ANKS4B: variants seen among roughly 807,000 people sequenced by gnomAD.
ANKS4B encodes ankyrin repeat and SAM domain-containing protein 4B.
Under a neutral mutation model 20.2 loss-of-function variants are expected in ANKS4B, and 21 were observed. That is an observed-to-expected ratio of 1.04 (90% CI 0.74 to 1.50). The LOEUF is 1.50. ANKS4B is among the 40% of genes most tolerant of loss of function. The pLI, the probability that ANKS4B is intolerant of heterozygous loss-of-function variation, is 0.00. For synonymous variants in ANKS4B, 179 were observed against 194.5 expected (o/e 0.92, Z 0.66); for missense variants, 473 against 494.6 (o/e 0.96, Z 0.41).
intron 1 of ANKS4B, among the ~76,000 whole-genome samples, chr16:21,247,005 T>C (rs1233382343): frequency 6.6e-6 from 1 of 152,160 alleles, no homozygotes; most frequent in Non-Finnish European, 1.5e-5. Flanking sequence ...CCTGCGGATC[T>C]TGCTAAAGTG....
chr16:21,236,445 G>A (rs1160594852), intron 1 of ANKS4B, among the ~76,000 whole-genome samples: 1 of 152,118 alleles, frequency 6.6e-6, no homozygotes, highest in Non-Finnish European at 1.5e-5. Context: ...GGGGTTCTGG[G>A]GTTCTTCTCA....
In ANKS4B at chr16:21,249,780, G is replaced by A; in HGVS notation, c.214G>A (p.Ala72Thr). 1 of 1,614,050 alleles carries A rather than the reference G, an allele frequency of 6.2e-7. No individual in the cohort carries two copies. The highest frequency in any genetic ancestry group is 8.5e-7 in the Non-Finnish European group (1 of 1,180,016). ...CTGGGGAAACACTCCTCTACATTTTGCAGCCTCCAATGGCCATGCCCACTG... is the reference window on the plus strand; with the variant it reads ...CTGGGGAAACACTCCTCTACATTTTACAGCCTCCAATGGCCATGCCCACTG... ...DIWGNTPLHF[A>T]ASNGHAHCVS... The change falls in exon 2 of 2, where the codon GCA (alanine) becomes ACA (threonine). Residue 72 changes from alanine to threonine, a missense_variant. Transcript: ENST00000311620.
chr16:21,238,033 C>T (rs569649649), intron 1 of ANKS4B, among the ~76,000 whole-genome samples: 23 of 152,172 alleles, frequency 1.5e-4, no homozygotes, highest in South Asian at 2.1e-4. Flanking sequence ...TGGTGGTGCA[C>T]GCCTATAATC....
chr16:21,245,199 G>A (rs1397942006), intron 1 of ANKS4B, among the ~76,000 whole-genome samples: 1 of 152,184 alleles, frequency 6.6e-6, no homozygotes, highest in African/African-American at 2.4e-5. Context: ...TGGCAATATT[G>A]TTTCCGCTTT....
chr16:21,234,197 G>A (rs1314865525), intron 1 of ANKS4B, among the ~76,000 whole-genome samples: 1 of 151,994 alleles, frequency 6.6e-6, no homozygotes, highest in Non-Finnish European at 1.5e-5. Flanking sequence ...CTTTAAAAAT[G>A]CTTTTCATGA....
Position 21,250,145 on chromosome 16 carries a change from A to T in ANKS4B, c.579A>T (p.Thr193=). The T allele has an allele frequency of 6.2e-7, 1 of 1,614,196 alleles. No homozygotes were observed. The highest frequency in any genetic ancestry group is 8.5e-7 in the Non-Finnish European group (1 of 1,180,028). ...CTTCAAATGCTTCTGCTCCTGGCACATTCGGGTCACTATCTAAGGGCATTA... is the reference window on the plus strand; with the variant it reads ...CTTCAAATGCTTCTGCTCCTGGCACTTTCGGGTCACTATCTAAGGGCATTA... ...SSPSNASAPG[T]FGSLSKGIKD... The change falls in exon 2 of 2, where the codon ACA becomes ACT. Residue 193 remains threonine, a synonymous_variant. Coordinates refer to ENST00000311620, the MANE Select transcript of ANKS4B (RefSeq NM_145865.3).
chr16:21,239,917 AT>A (rs1282839433), intron 1 of ANKS4B, among the ~76,000 whole-genome samples: 3 of 152,202 alleles, frequency 2.0e-5, no homozygotes, highest in Non-Finnish European at 4.4e-5. Context: ...CACTCGTGAT[AT>A]GAGTTTACCT....
rs576290136 is a variant in ANKS4B, at chr16:21,244,455, T to C, written c.165-5276T>C. Among the ~76,000 whole-genome samples the C allele has an allele frequency of 4.6e-5, 7 of 152,210 alleles. 1 individual carries two copies. In the East Asian group the frequency reaches 1.2e-3, roughly 25 times the overall value. ...TAAAAATTCAGTGAAATGAGAAAAT[T>C]CCACCAGTCTATAGTCTTAAGCATA... On this transcript the variant is annotated intron_variant, in intron 1 of 1. Coordinates refer to ENST00000311620, the MANE Select transcript of ANKS4B (RefSeq NM_145865.3).
chr16:21,251,164 A>G lies in ANKS4B; in HGVS notation c.*344A>G, dbSNP rs6497543. 53,669 of 203,806 alleles carry G rather than the reference A, an allele frequency of 0.26. 8,093 individuals are homozygous for G. Among genetic ancestry groups the G allele is most frequent in the African/African-American group, 0.4 (17,600 of 43,718 alleles). 12.6% of individuals were successfully genotyped at this position (203,806 alleles called of 1,614,324 possible). On this transcript the variant is annotated 3_prime_UTR_variant, in exon 2 of 2. Coordinates refer to ENST00000311620, the MANE Select transcript of ANKS4B (RefSeq NM_145865.3). ...CTTACCCAGGCTAGGGTGCAGTGGT[A>G]TGATCATAGTTCACTGTATTCTCAA...
intron 1 of ANKS4B, among the ~76,000 whole-genome samples, chr16:21,234,522 C>CG (rs1380262253): frequency 0.054 from 6,600 of 121,270 alleles, 183 homozygotes; most frequent in South Asian, 0.12. Flanking sequence ...ACACACACAC[C>CG]CCATCTCTTT....
In ANKS4B at chr16:21,251,042, G is replaced by C; in HGVS notation, c.*222G>C. On this transcript the variant is annotated 3_prime_UTR_variant, in exon 2 of 2. Coordinates refer to ENST00000311620, the MANE Select transcript of ANKS4B (RefSeq NM_145865.3). ...TGAGGAGACTTCATAACAAGAATCT[G>C]GCATTTCTCTTCAGTTATCTTATAT... 1 of 518,504 alleles carries C rather than the reference G, an allele frequency of 1.9e-6. No homozygotes were observed. The highest frequency in any genetic ancestry group is 4.9e-5 in the South Asian group (1 of 20,354). 32.1% of individuals were successfully genotyped at this position (518,504 alleles called of 1,614,324 possible). A position where few individuals can be genotyped will look rare whatever the true frequency, so the allele number is the denominator to read the frequency against.
intron 1 of ANKS4B, among the ~76,000 whole-genome samples, chr16:21,242,561 C>T (rs566982281): frequency 1.4e-4 from 21 of 152,332 alleles, no homozygotes; most frequent in Non-Finnish European, 2.9e-4. Context: ...TCTTATTTCA[C>T]TTAACATACT....
intron 1 of ANKS4B, among the ~76,000 whole-genome samples, chr16:21,249,419 A>G (rs925543828): frequency 6.6e-6 from 1 of 152,168 alleles, no homozygotes; most frequent in Non-Finnish European, 1.5e-5. Flanking sequence ...AAGGCTGCCA[A>G]TGAGCTGTGA....
Position 21,233,770 on chromosome 16 carries a change from T to C in ANKS4B, c.33T>C (p.Asp11=). Residue 11 remains aspartate, a synonymous_variant, in exon 1 of 2, where the codon GAT becomes GAC. Transcript: ENST00000311620. ...CTCGTTACCACCAAGCTGCTAGTGA[T>C]AGTTACCTGGAACTTCTAAAAGAGG... MSTRYHQAAS[D]SYLELLKEAT... 6.2e-7 allele frequency: 1 copy of C among 1,614,088 alleles called. No individual in the cohort carries two copies. Among genetic ancestry groups the C allele is most frequent in the Non-Finnish European group, 8.5e-7 (1 of 1,179,972 alleles).
chr16:21,250,510 C>T lies in ANKS4B; in HGVS notation c.944C>T (p.Ala315Val). 6.2e-7 allele frequency: 1 copy of T among 1,614,120 alleles called. No homozygotes were observed. Among genetic ancestry groups the T allele is most frequent in the African/African-American group, 1.3e-5 (1 of 75,022 alleles). Residue 315 changes from alanine (A) to valine (V), a missense_variant, in exon 2 of 2, where the codon GCA becomes GTA. By Grantham distance (64) the Ala-to-Val change is moderately conservative (BLOSUM62 0). Coordinates refer to ENST00000311620, the MANE Select transcript of ANKS4B (RefSeq NM_145865.3). ...RQGASEADEG[A>V]ADEEGEENGL... ...GGAGCATCAGAGGCTGATGAGGGTG[C>T]AGCTGATGAAGAGGGAGAGGAAAAC... is the stretch of plus-strand genomic sequence containing the variant.
intron 1 of ANKS4B, among the ~76,000 whole-genome samples, chr16:21,240,666 C>A (rs1356713932): frequency 6.6e-6 from 1 of 152,138 alleles, no homozygotes; most frequent in East Asian, 1.9e-4. Context: ...TACATTCTCT[C>A]CCTTTAAAAG....
At chr16:21,234,872 C>T (rs1337243830) in intron 1 of ANKS4B, among the ~76,000 whole-genome samples, 1 of 152,000 alleles carries the variant, frequency 6.6e-6, no homozygotes, top group African/African-American at 2.4e-5. Context: ...TGCTCTGAGA[C>T]AGGGTCTCAC....
intron 1 of ANKS4B, among the ~76,000 whole-genome samples, chr16:21,242,962 G>T (rs1382519199): frequency 2.0e-5 from 3 of 152,140 alleles, no homozygotes; most frequent in African/African-American, 7.2e-5. Flanking sequence ...CCATACTCCT[G>T]CCAAAACCAA....
chr16:21,248,717 C>G (rs1239125123), intron 1 of ANKS4B, among the ~76,000 whole-genome samples: 1 of 151,864 alleles, frequency 6.6e-6, no homozygotes, highest in East Asian at 1.9e-4. Context: ...GACGACAGAG[C>G]AAGACTTCAT....
Sources: allele counts gnomAD v4.1 joint callset (sites outside exome capture counted in the v4.1 genomes callset), GRCh38; gene constraint gnomAD v4.1.1; transcripts MANE v1.5; gene names NCBI Gene and HGNC (gene_info 2026-07-23, HGNC 2026-07-21).